SLC25A40: variants seen among roughly 807,000 people sequenced by gnomAD.
SLC25A40 encodes the protein mitochondrial glutathione transporter SLC25A40.
Under a neutral mutation model 46.5 loss-of-function variants are expected in SLC25A40, and 41 were observed. That is an observed-to-expected ratio of 0.88 (90% confidence interval 0.69 to 1.14). SLC25A40 has a LOEUF of 1.14. SLC25A40 is among the 50% of genes most tolerant of loss of function. The pLI is 0.00. For missense variants in SLC25A40, 386 were observed against 393.6 expected (o/e 0.98, Z 0.16); for synonymous variants, 126 against 127.5 (o/e 0.99, Z 0.08).
At chr7:87,840,734 T>C (rs1299406180) in intron 10 of SLC25A40, among the ~76,000 whole-genome samples, 1 of 151,776 alleles carries the variant, frequency 6.6e-6, no homozygotes, top group Admixed American at 6.6e-5. Context: ...TTTGATTACC[T>C]CCCAGGTTTT....
At chr7:87,859,416 T>C (rs1015590639) in intron 2 of SLC25A40, among the ~76,000 whole-genome samples, 2 of 152,022 alleles carry the variant, frequency 1.3e-5, no homozygotes, top group Non-Finnish European at 2.9e-5. Context: ...CACTCCAGCC[T>C]GGGCAACAGA....
intron 2 of SLC25A40, 144 bp from the exon 3 acceptor site, chr7:87,858,895 G>A: frequency 1.7e-6 from 1 of 603,862 alleles, no homozygotes; most frequent in Non-Finnish European, 2.9e-6. Flanking sequence ...CAGAATGAAA[G>A]CAGGTGACCA....
chr7:87,862,150 A>T (rs917071890), intron 1 of SLC25A40, among the ~76,000 whole-genome samples: 1 of 152,176 alleles, frequency 6.6e-6, no homozygotes, highest in African/African-American at 2.4e-5. Flanking sequence ...CAGTTTTACC[A>T]ACCTACTTAT....
intron 1 of SLC25A40, among the ~76,000 whole-genome samples, chr7:87,864,632 A>T (rs954581591): frequency 6.6e-6 from 1 of 152,178 alleles, no homozygotes; most frequent in African/African-American, 2.4e-5. Context: ...GCTAGTCCAG[A>T]TCCTTTTTGG....
At position 87,866,084 on chromosome 7, in the gene SLC25A40, G is replaced by GA. The variant is rs60875531; in HGVS notation, c.-93-5445dup. Among the ~76,000 whole-genome samples, 686 of 142,626 alleles carry GA rather than the reference G, an allele frequency of 4.8e-3. 5 individuals are homozygous for GA. The highest frequency in any genetic ancestry group is 0.021 in the Middle Eastern group (6 of 280). The allele number at this position is 142,626 out of a possible 152,430, so 93.6% of individuals were successfully genotyped here. A position where few individuals can be genotyped will look rare whatever the true frequency, so the allele number is the denominator to read the frequency against. ...GGCAATAGAACAAAACCCTCTCTAG[G>GA]AAAAAAAAAAAAATGAATGAATATT... is the stretch of plus-strand genomic sequence containing the variant. On this transcript the variant is annotated intron_variant, in intron 1 of 11. Coordinates refer to ENST00000341119, the MANE Select transcript of SLC25A40 (RefSeq NM_018843.4).
At chr7:87,842,348 A>C (rs1562742070) in intron 9 of SLC25A40, 2 of 152,730 alleles carry the variant, frequency 1.3e-5, no homozygotes, top group Non-Finnish European at 2.9e-5. Context: ...ACAATGCCTT[A>C]ATTAAGGGAG....
At position 87,847,901 on chromosome 7, in the gene SLC25A40, C is replaced by T; in HGVS notation, c.409G>A (p.Gly137Arg). The part of the protein sequence containing the change: ...QLSALLRSKL[G>R]ENETCIPIVA... Reference sequence around the variant, plus strand: ...ATTGGTATGCAGGTTTCATTTTCTCCTAACTTAGATCTCAGAAGAGCACTT... The same window carrying T: ...ATTGGTATGCAGGTTTCATTTTCTCTTAACTTAGATCTCAGAAGAGCACTT... Residue 137 changes from glycine to arginine, a missense_variant, in exon 7 of 12, where the codon GGA becomes AGA. Coordinates refer to ENST00000341119, the MANE Select transcript of SLC25A40 (RefSeq NM_018843.4). 1 of 1,611,930 alleles carries T rather than the reference C, an allele frequency of 6.2e-7. No homozygotes were observed. Among genetic ancestry groups the T allele is most frequent in the South Asian group, 1.1e-5 (1 of 90,502 alleles).
chr7:87,838,263 T>C lies in SLC25A40; in HGVS notation c.824-1453A>G, dbSNP rs149399775. 7.5e-4 allele frequency among the ~76,000 whole-genome samples: 114 copies of C among 151,616 alleles called. 1 individual carries two copies. The highest frequency in any genetic ancestry group is 7.5e-3 in the South Asian group (36 of 4,818). ...TGTTTAAATTATTTCATTTAAATTT[T>C]AAAAACAGGTCAAAGAATGGTGATC... On this transcript the variant is annotated intron_variant, in intron 10 of 11. Coordinates refer to ENST00000341119, the MANE Select transcript of SLC25A40 (RefSeq NM_018843.4).
chr7:87,875,494 G>A (rs1838982025), intron 1 of SLC25A40, among the ~76,000 whole-genome samples: 1 of 151,516 alleles, frequency 6.6e-6, no homozygotes, highest in Non-Finnish European at 1.5e-5. Context: ...TTATGGCCTG[G>A]AGTAGAGGAA....
intron 9 of SLC25A40, 30 bp downstream of exon 9, chr7:87,843,723 TG>T: frequency 1.3e-6 from 2 of 1,496,926 alleles, no homozygotes; most frequent in Non-Finnish European, 1.9e-6. Context: ...ATTATTCTTC[TG>T]GAATATTAAC....
At position 87,835,095 on chromosome 7, in the gene SLC25A40, T is replaced by C. The variant is rs2130992093; in HGVS notation, c.*1154A>G. The C allele has an allele frequency of 6.6e-6, 1 of 151,498 alleles. No homozygotes were observed. The highest frequency in any genetic ancestry group is 2.1e-4 in the South Asian group (1 of 4,820). The allele number at this position is 151,498 out of a possible 1,614,324, so 9.4% of individuals were successfully genotyped here. ...CAATAAATTAGTGCTTTAAAAAATATATATATATAGGATATAGATCCTAAG... is the reference window on the plus strand; with the variant it reads ...CAATAAATTAGTGCTTTAAAAAATACATATATATAGGATATAGATCCTAAG... On this transcript the variant is annotated 3_prime_UTR_variant, in exon 12 of 12. Transcript: ENST00000341119.
At chr7:87,869,105 G>A (rs538030213) in intron 1 of SLC25A40, among the ~76,000 whole-genome samples, 31 of 152,108 alleles carry the variant, frequency 2.0e-4, no homozygotes, top group Non-Finnish European at 3.8e-4. Context: ...GGCTCTGAAA[G>A]CTGCCTCATC....
At chr7:87,841,758 T>A (rs777366117) in intron 9 of SLC25A40, 44 bp from the exon 10 acceptor site, 59 of 1,206,094 alleles carry the variant, frequency 4.9e-5, no homozygotes, top group Non-Finnish European at 6.4e-5. Flanking sequence ...ACCTGTTAAT[T>A]TTTCCTAAAA....
chr7:87,858,631 CT>C lies in SLC25A40; in HGVS notation c.96del (p.Ile32MetfsTer2). 2 of 1,521,952 alleles carry C rather than the reference CT, an allele frequency of 1.3e-6. No homozygotes were observed. Among genetic ancestry groups the C allele is most frequent in the Middle Eastern group, 3.5e-4 (2 of 5,788 alleles). The allele number at this position is 1,521,952 out of a possible 1,614,324, so 94.3% of individuals were successfully genotyped here. On this transcript the variant is annotated frameshift_variant and splice_region_variant, in exon 3 of 12. Transcript: ENST00000341119. LOFTEE classifies it high-confidence loss of function. ...ATCTACATCAGTAACATAATTTTAC[CT>C]ATTACTGATGTCAGTATAGCTCCAG... ...SCTGAILTSV[I>X]VTPLDVVKIR...
chr7:87,848,232 A>G (rs780267558), intron 6 of SLC25A40, among the ~76,000 whole-genome samples: 1 of 152,184 alleles, frequency 6.6e-6, no homozygotes, highest in Non-Finnish European at 1.5e-5. Context: ...AAAGACAGTT[A>G]CAATAAATAG....
At chr7:87,850,904 A>G (rs1348914828) in intron 5 of SLC25A40, among the ~76,000 whole-genome samples, 1 of 152,232 alleles carries the variant, frequency 6.6e-6, no homozygotes, top group Non-Finnish European at 1.5e-5. Context: ...GACAGACAAT[A>G]ATAAATTCTG....
intron 1 of SLC25A40, among the ~76,000 whole-genome samples, chr7:87,866,998 TTCTG>T (rs141928083): frequency 0.068 from 10,286 of 151,958 alleles, 390 homozygotes; most frequent in Middle Eastern, 0.11. Context: ...TAAGCGCTTA[TTCTG>T]TCTTTTTCTA....
rs1429796051 is a variant in SLC25A40 at position 87,836,130 on chromosome 7, TAAATTATAGGAAAGAAAGACATA to T, written c.*96_*118del. The T allele has an allele frequency of 5.4e-6, 3 of 553,752 alleles. No homozygotes were observed. The highest frequency in any genetic ancestry group is 9.5e-6 in the Non-Finnish European group (3 of 316,722). The allele number at this position is 553,752 out of a possible 1,614,324, so 34.3% of individuals were successfully genotyped here. A position where few individuals can be genotyped will look rare whatever the true frequency, so the allele number is the denominator to read the frequency against. ...AGAGGTAGAGCTGAAATTATTTATT[TAAATTATAGGAAAGAAAGACATA>T]AAATCATTGTGAGAGAATAATGGTG... On this transcript the variant is annotated 3_prime_UTR_variant, in exon 12 of 12. Coordinates refer to ENST00000341119, the MANE Select transcript of SLC25A40 (RefSeq NM_018843.4).
At chr7:87,863,157 T>C (rs1214078989) in intron 1 of SLC25A40, among the ~76,000 whole-genome samples, 1 of 152,176 alleles carries the variant, frequency 6.6e-6, no homozygotes, top group Non-Finnish European at 1.5e-5. Flanking sequence ...TCCTTACTGG[T>C]TTGAGAAATC....
Sources: allele counts gnomAD v4.1 joint callset (sites outside exome capture counted in the v4.1 genomes callset), GRCh38; gene constraint gnomAD v4.1.1; transcripts MANE v1.5; gene names NCBI Gene and HGNC (gene_info 2026-07-23, HGNC 2026-07-21).